Variants in AFAP1 observed in about 807,000 individuals in gnomAD.
The protein encoded by AFAP1 is actin filament associated protein 1.
A neutral mutation model predicts 93.9 loss-of-function variants in AFAP1; 75 were observed. The observed-to-expected ratio is 0.80, with a 90% CI of 0.66 to 0.97. AFAP1 has a LOEUF of 0.97. AFAP1 is among the 50% of genes least tolerant of loss of function. The pLI is 0.00. For missense variants in AFAP1, 1,201 were observed against 1,050.8 expected (o/e 1.14, Z -1.98); for synonymous variants, 517 against 430.7 (o/e 1.20, Z -2.48).
intron 17 of AFAP1, among the ~76,000 whole-genome samples, chr4:7,767,330 ATGGGAGCCC>A (rs1560142966): frequency 6.6e-6 from 1 of 152,144 alleles, no homozygotes; most frequent in Non-Finnish European, 1.5e-5. Context: ...ACACACGGTG[ATGGGAGCCC>A]TTTTGAGGGT....
intron 16 of AFAP1, among the ~76,000 whole-genome samples, chr4:7,770,028 C>G (rs931085606): frequency 5.8e-4 from 88 of 152,186 alleles, no homozygotes; most frequent in African/African-American, 2.1e-3. Context: ...GAGGGGTCCA[C>G]CGAATAAGCC....
intron 1 of AFAP1, among the ~76,000 whole-genome samples, chr4:7,928,745 T>C (rs1488077946): frequency 6.6e-6 from 1 of 152,238 alleles, no homozygotes; most frequent in African/African-American, 2.4e-5. Flanking sequence ...TGTCAATCAG[T>C]GCCATTTCAT....
intron 1 of AFAP1, among the ~76,000 whole-genome samples, chr4:7,900,574 C>A (rs1035777841): frequency 1.3e-5 from 2 of 152,184 alleles, no homozygotes; most frequent in Non-Finnish European, 2.9e-5. Flanking sequence ...GTCATTGTCC[C>A]CCAGGCCCAC....
intron 6 of AFAP1, among the ~76,000 whole-genome samples, chr4:7,826,681 C>T (rs113279379): frequency 0.014 from 2,150 of 152,322 alleles, 48 homozygotes; most frequent in African/African-American, 0.049. Context: ...TGATCCAACA[C>T]GTCAATGGTT....
chr4:7,891,743 T>TA (rs778916445), intron 1 of AFAP1, among the ~76,000 whole-genome samples: 21,780 of 62,668 alleles, frequency 0.35, 4,570 homozygotes, highest in Non-Finnish European at 0.45. Context: ...ATGGTCTCAT[T>TA]AAAAAAAAAA....
chr4:7,762,085 A>G lies in AFAP1; in HGVS notation c.*1680T>C, dbSNP rs576937587. 2.6e-5 allele frequency: 4 copies of G among 152,346 alleles called. No homozygotes were observed. The highest frequency in any genetic ancestry group is 9.6e-5 in the African/African-American group (4 of 41,578). 9.4% of individuals were successfully genotyped at this position (152,346 alleles called of 1,614,324 possible). A position where few individuals can be genotyped will look rare whatever the true frequency, so the allele number is the denominator to read the frequency against. On this transcript the variant is annotated 3_prime_UTR_variant, in exon 18 of 18. Coordinates refer to ENST00000420658, the MANE Select transcript of AFAP1 (RefSeq NM_001134647.2). ...GTTCAGGTGGACTCAAGCAGCTTCC[A>G]ATTCGTGTTGTAAAACTTTTTCTTA...
chr4:7,787,250 C>A (rs1204678246), intron 11 of AFAP1, among the ~76,000 whole-genome samples: 1 of 152,198 alleles, frequency 6.6e-6, no homozygotes, highest in Admixed American at 6.5e-5. Flanking sequence ...CGTGGTGCGC[C>A]CAGCGAGGGC....
At chr4:7,777,358 G>C (rs1234647913) in intron 14 of AFAP1, 1 of 152,252 alleles carries the variant, frequency 6.6e-6, no homozygotes, top group African/African-American at 2.4e-5. Context: ...GGGTAGAACA[G>C]AGGTGGAGAA....
At position 7,843,026 on chromosome 4, in the gene AFAP1, ACCT is replaced by A. The variant is rs386671293; in HGVS notation, c.546+110_546+112del. ...GGCTAGCTCAGGGCACCTGGCTGAC[ACCT>A]GAGTGCTGCCCTTCCTGCACAGCTG... On this transcript the variant is annotated intron_variant, in intron 5 of 17. Transcript: ENST00000420658. The A allele has an allele frequency of 6.6e-5, 81 of 1,218,166 alleles. No individual in the cohort carries two copies. The African/African-American group carries it at 9.4e-4, about 14-fold the overall frequency. 75.5% of individuals were successfully genotyped at this position (1,218,166 alleles called of 1,614,324 possible).
intron 6 of AFAP1, among the ~76,000 whole-genome samples, chr4:7,826,197 G>A (rs183602451): frequency 3.3e-5 from 5 of 152,282 alleles, no homozygotes; most frequent in East Asian, 1.9e-4. Flanking sequence ...AAGGTGCCCC[G>A]GTGACAGAAT....
At chr4:7,826,410 C>G (rs1267154172) in intron 6 of AFAP1, among the ~76,000 whole-genome samples, 3 of 152,182 alleles carry the variant, frequency 2.0e-5, no homozygotes, top group Non-Finnish European at 2.9e-5. Context: ...CCCAGGAGGC[C>G]CAGGCTTCCC....
intron 16 of AFAP1, among the ~76,000 whole-genome samples, chr4:7,770,716 C>T (rs1715311967): frequency 6.6e-6 from 1 of 152,170 alleles, no homozygotes; most frequent in Admixed American, 6.5e-5. Flanking sequence ...GAGGCACTGA[C>T]CAGAGCCCAG....
intron 1 of AFAP1, among the ~76,000 whole-genome samples, chr4:7,913,951 A>G (rs1038307036): frequency 6.6e-6 from 1 of 152,204 alleles, no homozygotes; most frequent in African/African-American, 2.4e-5. Context: ...AATACATGTA[A>G]TGTATGTGAT....
intron 16 of AFAP1, among the ~76,000 whole-genome samples, chr4:7,771,610 G>A (rs1028279564): frequency 2.6e-5 from 4 of 152,198 alleles, no homozygotes; most frequent in African/African-American, 9.7e-5. Context: ...TCCACACACA[G>A]TCTATGCAGC....
At chr4:7,838,065 A>G (rs921175150) in intron 6 of AFAP1, among the ~76,000 whole-genome samples, 2 of 152,204 alleles carry the variant, frequency 1.3e-5, no homozygotes, top group Admixed American at 6.5e-5. Flanking sequence ...AGAAGTAAAT[A>G]TAGTGAGAAA....
Position 7,838,714 on chromosome 4 carries a change from CA to C in AFAP1, c.547-12del. 5 of 1,612,718 alleles carry C rather than the reference CA, an allele frequency of 3.1e-6. No individual in the cohort carries two copies. Among genetic ancestry groups the C allele is most frequent in the Non-Finnish European group, 4.2e-6 (5 of 1,179,108 alleles). On this transcript the variant is annotated splice_polypyrimidine_tract_variant and intron_variant, in intron 5 of 17. Coordinates refer to ENST00000420658, the MANE Select transcript of AFAP1 (RefSeq NM_001134647.2). ...GGAACTTTTATAGCACTGCATTCAA[CA>C]CAACAAATCAACTGATATTATAAGG...
rs1201433171 is a variant in AFAP1 at position 7,816,049 on chromosome 4, A to T, written c.873T>A (p.Asn291Lys). ...PSSDGEGVVE[N>K]GITTCNGKEQ... ...CCTTTCCATTACATGTGGTAATTCC[A>T]TTTTCCACAACACCCTCCCCATCTG... is the stretch of plus-strand genomic sequence containing the variant. Residue 291 changes from asparagine to lysine, a missense_variant, in exon 8 of 18, where the codon AAT becomes AAA. Physicochemically the swap from Asn to Lys is moderately conservative, Grantham distance 94. Transcript: ENST00000420658. The T allele has an allele frequency of 6.2e-7, 1 of 1,612,678 alleles. No individual in the cohort carries two copies.
At chr4:7,783,318 T>C (rs1716953423) in intron 12 of AFAP1, among the ~76,000 whole-genome samples, 1 of 152,124 alleles carries the variant, frequency 6.6e-6, no homozygotes, top group African/African-American at 2.4e-5. Flanking sequence ...TTTTGTATTT[T>C]TAGTAGAGAC....
chr4:7,937,413 A>AAGG (rs1459431850), intron 1 of AFAP1, among the ~76,000 whole-genome samples: 1 of 152,236 alleles, frequency 6.6e-6, no homozygotes, highest in Non-Finnish European at 1.5e-5. Context: ...ACGATCCTCA[A>AAGG]AGGTGAGAAA....
Sources: allele counts gnomAD v4.1 joint callset (sites outside exome capture counted in the v4.1 genomes callset), GRCh38; gene constraint gnomAD v4.1.1; transcripts MANE v1.5; gene names NCBI Gene and HGNC (gene_info 2026-07-23, HGNC 2026-07-21).